The following ZNF185 variants were observed in gnomAD, a reference collection of about 807,000 sequenced individuals.
ZNF185 encodes the protein zinc finger protein 185.
ZNF185 carries 56 observed loss-of-function variants against 58.6 expected under a neutral mutation model. That is an observed-to-expected ratio of 0.95 (90% CI 0.77 to 1.19). ZNF185 has a LOEUF of 1.19. ZNF185 is among the 50% of genes most tolerant of loss of function. ZNF185 has a pLI of 0.00. For synonymous variants in ZNF185, 230 were observed against 215.9 expected, an observed-to-expected ratio of 1.07 and a Z score of -0.57; for missense variants, 627 against 573.5, an observed-to-expected ratio of 1.09 and a Z score of -0.95.
At chrX:152,959,550 G>C in intron 16 of ZNF185, 149 bp from the exon 19 acceptor site, 2 of 613,658 alleles carry the variant, frequency 3.3e-6, no homozygotes, top group East Asian at 3.6e-5. Flanking sequence ...GCTCCTTGGG[G>C]TGGGGATTGT....
At chrX:152,930,919 A>G (rs1191606318) in intron 12 of ZNF185, among the ~76,000 whole-genome samples, 5 of 111,370 alleles carry the variant, frequency 4.5e-5, no homozygotes, top group Non-Finnish European at 9.4e-5. Context: ...TTAAATTAGG[A>G]GATTAGGATC....
intron 14 of ZNF185, 121 bp downstream of exon 16, chrX:152,936,634 C>T: frequency 1.7e-6 from 1 of 585,530 alleles, no homozygotes; most frequent in South Asian, 2.9e-5. Flanking sequence ...GCCACTTTCA[C>T]ATCAGGTGAT....
intron 11 of ZNF185, 87 bp downstream of exon 12, chrX:152,922,896 G>T (rs1940057374): frequency 4.6e-6 from 4 of 875,034 alleles, no homozygotes. Flanking sequence ...GCTGGGGAGG[G>T]TCTGGCAGTG....
intron 16 of ZNF185, among the ~76,000 whole-genome samples, chrX:152,946,580 G>A (rs1338660611): frequency 1.3e-4 from 15 of 111,587 alleles, no homozygotes; most frequent in Admixed American, 1.3e-3. Context: ...AAAAAGTGAG[G>A]CTTGTGGATG....
At chrX:152,910,286 G>A (rs960835848), upstream of ZNF185, among the ~76,000 whole-genome samples, 2 of 111,868 alleles carry the variant, frequency 1.8e-5, no homozygotes, top group Non-Finnish European at 3.8e-5. Context: ...AACCACCGTC[G>A]GGCTCATCTT....
the ZNF185 span, among the ~76,000 whole-genome samples, chrX:152,902,183 C>T: frequency 5.1e-4 from 57 of 112,794 alleles, no homozygotes; most frequent in African/African-American, 1.8e-3. Context: ...TGAAGCCACG[C>T]CCTGGGTCAG....
Position 152,964,266 on chromosome X carries a change from G to T in ZNF185, c.1718+317G>T, listed in dbSNP as rs782043719. ...AAGCCAGCTCCAGTCCGTGAAGGCC[G>T]GGCCTGTGAGGGCATTCCTGTGTTA... is the stretch of plus-strand genomic sequence containing the variant. On this transcript the variant is annotated intron_variant, in intron 18 of 22. Coordinates refer to ENST00000449285, the Ensembl canonical transcript of ZNF185. Among the ~76,000 whole-genome samples, 4 of 112,859 alleles carry T rather than the reference G, an allele frequency of 3.5e-5. No homozygotes were observed. The South Asian group carries it at 1.5e-3, about 41-fold the overall frequency.
chrX:152,924,858 T>C (rs1453389345), intron 11 of ZNF185, among the ~76,000 whole-genome samples: 2 of 112,319 alleles, frequency 1.8e-5, no homozygotes, highest in Non-Finnish European at 3.8e-5. Flanking sequence ...CTAATTTTTG[T>C]ATTTTTAGTA....
intron 16 of ZNF185, 42 bp downstream of exon 18, chrX:152,945,506 G>A (rs1556894380): frequency 3.6e-5 from 42 of 1,156,655 alleles, no homozygotes; most frequent in Non-Finnish European, 4.9e-5. Flanking sequence ...TGGAGCCCAT[G>A]TTTTTGTTGA....
intron 16 of ZNF185, among the ~76,000 whole-genome samples, chrX:152,952,685 G>T (rs1434318081): frequency 9.0e-6 from 1 of 111,057 alleles, no homozygotes; most frequent in Non-Finnish European, 1.9e-5. Context: ...GATTCAGGGA[G>T]CTGAAGGGAA....
chrX:152,959,034 G>A (rs997286975), intron 16 of ZNF185, among the ~76,000 whole-genome samples: 15 of 112,834 alleles, frequency 1.3e-4, no homozygotes, highest in African/African-American at 4.2e-4. Flanking sequence ...ACCGTGGAGA[G>A]GCTTTTTCTG....
At chrX:152,937,315 A>C (rs1288945566) in intron 14 of ZNF185, among the ~76,000 whole-genome samples, 1 of 111,715 alleles carries the variant, frequency 9.0e-6, no homozygotes, top group Non-Finnish European at 1.9e-5. Flanking sequence ...TAGCTTTCTC[A>C]TTAGCAGCTT....
the ZNF185 span, among the ~76,000 whole-genome samples, chrX:152,898,233 T>A: frequency 9.0e-6 from 1 of 111,054 alleles, no homozygotes; most frequent in Non-Finnish European, 1.9e-5. Context: ...CGGGCACCGG[T>A]GCCAGGTAGG....
At position 152,969,431 on chromosome X, in the gene ZNF185, C is replaced by T. The variant is rs182646834; in HGVS notation, c.1921C>T (p.Pro641Ser). The change falls in exon 21 of 23, where the codon CCA (proline) becomes TCA (serine). Residue 641 changes from proline (P) to serine (S), a missense_variant. By Grantham distance (74) the Pro-to-Ser change is moderately conservative. Transcript: ENST00000449285. ...CTGCAACCGTGAGATCCGAGACTGT[C>T]CAAAGATTACCCTAGAACATCTTGG... 3.9e-4 allele frequency: 476 copies of T among 1,207,120 alleles called. 1 individual carries two copies. The highest frequency in any genetic ancestry group is 3.9e-3 in the African/African-American group (225 of 57,289).
At chrX:152,937,415 A>T (rs2046434508) in intron 14 of ZNF185, among the ~76,000 whole-genome samples, 1 of 111,610 alleles carries the variant, frequency 9.0e-6, no homozygotes, top group Non-Finnish European at 1.9e-5. Context: ...CTTCAGGGTC[A>T]GCAGCTTAAT....
intron 15 of ZNF185, among the ~76,000 whole-genome samples, chrX:152,942,019 G>A: frequency 8.9e-6 from 1 of 112,276 alleles, no homozygotes; most frequent in South Asian, 3.7e-4. Context: ...CAGGGGGAGG[G>A]GGTGTGGACG....
intron 5 of ZNF185, among the ~76,000 whole-genome samples, chrX:152,917,630 T>C (rs782133004): frequency 1.6e-4 from 18 of 112,222 alleles, no homozygotes; most frequent in Non-Finnish European, 3.4e-4. Flanking sequence ...CAGTCCTGAC[T>C]AGGCCTGGCT....
intron 16 of ZNF185, among the ~76,000 whole-genome samples, chrX:152,953,427 T>G (rs187203858): frequency 4.5e-4 from 50 of 112,165 alleles, no homozygotes; most frequent in Admixed American, 2.1e-3. Context: ...CAGGGTGCAA[T>G]GGCTCACACC....
chrX:152,914,342 C>A (rs1937898893), upstream of ZNF185: 2 of 525,067 alleles, frequency 3.8e-6, no homozygotes, highest in Non-Finnish European at 3.1e-6. Flanking sequence ...CCCCGATGTG[C>A]AGAGGGCAGT....
Sources: gnomAD v4.1 joint callset for allele counts (sites outside exome capture counted in the v4.1 genomes callset) on GRCh38, gnomAD v4.1.1 for gene constraint, MANE v1.5 for transcripts, NCBI Gene and HGNC (gene_info 2026-07-23, HGNC 2026-07-21) for gene names.